Variants in TMEM161B observed in about 807,000 individuals in gnomAD.
TMEM161B encodes the protein transmembrane protein 161B.
Under a neutral mutation model 61.8 loss-of-function variants are expected in TMEM161B, and 34 were observed. The ratio of observed to expected loss-of-function variants is 0.55; its 90% CI spans 0.42 to 0.73. The LOEUF is 0.73. Ranked by LOEUF, TMEM161B falls within the 30% of genes least tolerant of loss-of-function variation. The pLI, the probability that TMEM161B is intolerant of heterozygous loss-of-function variation, is 0.00. For missense variants in TMEM161B, 456 were observed against 558.5 expected, an observed-to-expected ratio of 0.82 and a Z score of 1.85; for synonymous variants, 167 against 192.8, an observed-to-expected ratio of 0.87 and a Z score of 1.11.
At chr5:88,252,622 T>A (rs1023865129) in intron 1 of TMEM161B, among the ~76,000 whole-genome samples, 4 of 152,098 alleles carry the variant, frequency 2.6e-5, no homozygotes. Flanking sequence ...ATGTTTTAGT[T>A]TGGATGATTG....
intron 1 of TMEM161B, among the ~76,000 whole-genome samples, chr5:88,266,325 A>C (rs1407184823): frequency 6.6e-6 from 1 of 152,240 alleles, no homozygotes; most frequent in East Asian, 1.9e-4. Flanking sequence ...CAAATATACA[A>C]AGATTCCAAG....
chr5:88,245,863 T>C (rs1561407206), intron 1 of TMEM161B, among the ~76,000 whole-genome samples: 1 of 151,944 alleles, frequency 6.6e-6, no homozygotes, highest in Admixed American at 6.6e-5. Flanking sequence ...TTGACTAGAA[T>C]TAGGAAATAC....
At chr5:88,263,715 T>C (rs1445295152) in intron 1 of TMEM161B, among the ~76,000 whole-genome samples, 1 of 152,216 alleles carries the variant, frequency 6.6e-6, no homozygotes, top group African/African-American at 2.4e-5. Flanking sequence ...GAAATCAACT[T>C]AATGCACTTT....
intron 1 of TMEM161B, among the ~76,000 whole-genome samples, chr5:88,250,429 T>C (rs112747822): frequency 6.6e-5 from 10 of 152,202 alleles, no homozygotes; most frequent in African/African-American, 2.4e-4. Context: ...CAGAGTGATA[T>C]ACATATAAGA....
At chr5:88,264,451 G>A (rs541975325) in intron 1 of TMEM161B, among the ~76,000 whole-genome samples, 2 of 152,204 alleles carry the variant, frequency 1.3e-5, no homozygotes, top group Non-Finnish European at 2.9e-5. Context: ...TGGCGAGGCT[G>A]TGGAGAAATA....
chr5:88,187,761 T>A (rs1377432716), downstream of TMEM161B, among the ~76,000 whole-genome samples: 1 of 56,034 alleles, frequency 1.8e-5, no homozygotes, highest in Non-Finnish European at 4.5e-5. Flanking sequence ...TTTGGAACAA[T>A]CGTTTTTAGC....
At chr5:88,239,961 G>A (rs950847579) in intron 2 of TMEM161B, among the ~76,000 whole-genome samples, 1 of 151,934 alleles carries the variant, frequency 6.6e-6, no homozygotes, top group African/African-American at 2.4e-5. Context: ...GAAATAAATA[G>A]TCATGGTACC....
At chr5:88,208,199 A>C (rs933303593) in intron 5 of TMEM161B, among the ~76,000 whole-genome samples, 4 of 151,598 alleles carry the variant, frequency 2.6e-5, no homozygotes, top group African/African-American at 7.3e-5. Flanking sequence ...AAAATACAAA[A>C]ATTGCCGGGC....
At chr5:88,189,873 C>T (rs774408304) in exon 13 of TMEM161B, 133 of 578,200 alleles carry the variant, frequency 2.3e-4, no homozygotes, top group Admixed American at 9.9e-4. Flanking sequence ...TTTCCCTAAA[C>T]TATTTTTGAT....
chr5:88,208,473 C>T (rs1046207911), intron 5 of TMEM161B, among the ~76,000 whole-genome samples: 1 of 148,968 alleles, frequency 6.7e-6, no homozygotes, highest in Non-Finnish European at 1.5e-5. Flanking sequence ...CACAGTGAGA[C>T]TCCGTCTCCA....
chr5:88,245,681 G>T (rs1753503093), intron 1 of TMEM161B, among the ~76,000 whole-genome samples: 1 of 151,992 alleles, frequency 6.6e-6, no homozygotes, highest in African/African-American at 2.4e-5. Context: ...CAGAAAGACT[G>T]ACCTGGAAGA....
At chr5:88,220,846 A>G (rs1018802060) in intron 4 of TMEM161B, 127 bp from the exon 5 acceptor site, 3 of 1,252,082 alleles carry the variant, frequency 2.4e-6, no homozygotes, top group South Asian at 3.7e-5. Flanking sequence ...TTCATTTGCA[A>G]TGTAAGATTT....
intron 1 of TMEM161B, chr5:88,251,029 C>G (rs952864684): frequency 6.6e-6 from 1 of 152,106 alleles, no homozygotes; most frequent in African/African-American, 2.4e-5. Context: ...GAGTGAGAAG[C>G]GACTGATTTG....
intron 2 of TMEM161B, among the ~76,000 whole-genome samples, chr5:88,229,768 TAG>T (rs1750677971): frequency 2.0e-5 from 3 of 151,138 alleles, no homozygotes; most frequent in Admixed American, 2.0e-4. Context: ...GTCCTCAAAA[TAG>T]AGACAGGGGC....
chr5:88,262,397 C>T (rs1043757668), intron 1 of TMEM161B, among the ~76,000 whole-genome samples: 1 of 152,112 alleles, frequency 6.6e-6, no homozygotes, highest in African/African-American at 2.4e-5. Context: ...ATTGCACTTG[C>T]TGGTTTTTAC....
chr5:88,223,262 T>C (rs1411373290), intron 4 of TMEM161B, among the ~76,000 whole-genome samples: 3 of 151,578 alleles, frequency 2.0e-5, no homozygotes, highest in Non-Finnish European at 4.4e-5. Context: ...ACTGGTAAGT[T>C]ACCCACTTCA....
At chr5:88,258,152 CAATTA>C (rs1561427277) in intron 1 of TMEM161B, among the ~76,000 whole-genome samples, 6 of 152,178 alleles carry the variant, frequency 3.9e-5, no homozygotes, top group South Asian at 2.1e-4. Context: ...CTAAATGTCT[CAATTA>C]AAGTTATGAC....
At chr5:88,193,140 T>C (rs932554945), downstream of TMEM161B, among the ~76,000 whole-genome samples, 3 of 152,100 alleles carry the variant, frequency 2.0e-5, no homozygotes, top group African/African-American at 7.2e-5. Context: ...GATATTAAGA[T>C]AAAATTATAT....
chr5:88,242,568 TG>T (rs1752923087), intron 1 of TMEM161B, among the ~76,000 whole-genome samples: 1 of 146,466 alleles, frequency 6.8e-6, no homozygotes, highest in Non-Finnish European at 1.5e-5. Context: ...AGTTAGAAGC[TG>T]GTCTCCATCA....
Sources: gnomAD v4.1 joint callset for allele counts (sites outside exome capture counted in the v4.1 genomes callset) on GRCh38, gnomAD v4.1.1 for gene constraint, MANE v1.5 for transcripts, NCBI Gene and HGNC (gene_info 2026-07-23, HGNC 2026-07-21) for gene names.